Variants in SMG1 observed in about 807,000 individuals in gnomAD.
SMG1 encodes the protein serine/threonine-protein kinase SMG1.
SMG1 carries 22 observed loss-of-function variants against 419.9 expected under a neutral mutation model. The ratio of observed to expected loss-of-function variants is 0.05; its 90% CI spans 0.04 to 0.07. SMG1 has a LOEUF of 0.07. Ranked by LOEUF, SMG1 falls within the 10% of genes least tolerant of loss-of-function variation. The pLI is 1.00. For missense variants in SMG1, 3,185 were observed against 4,342.0 expected (o/e 0.73, Z 7.49); for synonymous variants, 1,538 against 1,553.5 (o/e 0.99, Z 0.23).
At chr16:18,827,612 A>G (rs2032816093) in intron 55 of SMG1, among the ~76,000 whole-genome samples, 1 of 144,352 alleles carries the variant, frequency 6.9e-6, no homozygotes, top group Admixed American at 7.0e-5. Flanking sequence ...GTATAAATAT[A>G]CCAAAATATA....
intron 4 of SMG1, 112 bp from the exon 5 acceptor site, chr16:18,891,033 G>A (rs559006522): frequency 1.5e-6 from 1 of 680,654 alleles, no homozygotes; most frequent in Non-Finnish European, 2.7e-6. Context: ...CAGTACTTTA[G>A]TTTCTTTATT....
In SMG1 at chr16:18,858,241, T is replaced by C. The variant is rs1177296737; in HGVS notation, c.4163A>G (p.His1388Arg). Residue 1388 changes from histidine (H) to arginine (R), a missense_variant, in exon 29 of 63, where the codon CAT becomes CGT. His to Arg is a conservative substitution (Grantham distance 29, BLOSUM62 0). Transcript: ENST00000446231. ...TGCCTGCATCCATGGCCTCACGTCA[T>C]GCTGTTTACATGAACGTAAAGCTTC... ...FSEALRSCKQ[H>R]DVRPWMQALR... is the part of the protein sequence containing the mutation. 6.8e-6 allele frequency: 11 copies of C among 1,610,396 alleles called. No homozygotes were observed. The highest frequency in any genetic ancestry group is 8.5e-6 in the Non-Finnish European group (10 of 1,178,296).
chr16:18,828,897 C>G (rs1052055867), intron 54 of SMG1, among the ~76,000 whole-genome samples: 5 of 151,844 alleles, frequency 3.3e-5, no homozygotes, highest in Non-Finnish European at 5.9e-5. Context: ...ACTAGGGAGG[C>G]TGAGGAGGGA....
At chr16:18,908,879 C>CAA (rs765269837) in intron 1 of SMG1, among the ~76,000 whole-genome samples, 4 of 103,400 alleles carry the variant, frequency 3.9e-5, no homozygotes, top group Non-Finnish European at 6.1e-5. Context: ...GACTCCGCCT[C>CAA]AAAAAAAAAA....
chr16:18,821,221 C>CTTTTTTTTTTGT, intron 55 of SMG1, among the ~76,000 whole-genome samples: 1 of 35,598 alleles, frequency 2.8e-5, no homozygotes, highest in African/African-American at 1.2e-4. Flanking sequence ...TAGTATGTTT[C>CTTTTTTTTTTGT]TTTTTTTTTT....
At chr16:18,837,228 A>C in intron 46 of SMG1, 25 bp downstream of exon 46, 7 of 1,567,502 alleles carry the variant, frequency 4.5e-6, no homozygotes, top group Non-Finnish European at 6.1e-6. Flanking sequence ...GCACATATTT[A>C]GAAGAATTCA....
At chr16:18,883,727 T>G (rs1409347992) in intron 9 of SMG1, among the ~76,000 whole-genome samples, 1 of 152,162 alleles carries the variant, frequency 6.6e-6, no homozygotes, top group Non-Finnish European at 1.5e-5. Flanking sequence ...GAGACCAGCC[T>G]GGCCAACATG....
At chr16:18,854,989 T>TG (rs773208029) in intron 29 of SMG1, 85 bp from the exon 30 acceptor site, 476 of 1,335,704 alleles carry the variant, frequency 3.6e-4, no homozygotes, top group Non-Finnish European at 4.5e-4. Flanking sequence ...ATTCCCCAAC[T>TG]ATCCCTCTTC....
chr16:18,851,633 G>T (rs2034601937), intron 33 of SMG1, among the ~76,000 whole-genome samples: 1 of 152,116 alleles, frequency 6.6e-6, no homozygotes, highest in African/African-American at 2.4e-5. Context: ...TGATCTCACT[G>T]CAACATTCAA....
At position 18,901,754 on chromosome 16, in the gene SMG1, C is replaced by T. The variant is rs369565958; in HGVS notation, c.93-4798G>A. On this transcript the variant is annotated intron_variant, in intron 1 of 62. Transcript: ENST00000446231. ...CTTTGGGAGGCCAAGGCAGGTGGATCGCTTGAGGTCAGGATTTTGAGACCA... is the reference window on the plus strand; with the variant it reads ...CTTTGGGAGGCCAAGGCAGGTGGATTGCTTGAGGTCAGGATTTTGAGACCA... Among the ~76,000 whole-genome samples, 39 of 152,154 alleles carry T rather than the reference C, an allele frequency of 2.6e-4. 1 individual carries two copies. The East Asian group carries it at 7.5e-3, about 29-fold the overall frequency.
chr16:18,827,599 T>G lies in SMG1; in HGVS notation c.9741+432A>C, dbSNP rs2032814574. On this transcript the variant is annotated intron_variant, in intron 55 of 62. Transcript: ENST00000446231. The stretch of plus-strand genomic sequence containing the variant: ...CCAAAATATATATTTTTAGATATAT[T>G]TGGTATAAATATACCAAAATATATA... Among the ~76,000 whole-genome samples, 2 of 144,428 alleles carry G rather than the reference T, an allele frequency of 1.4e-5. 1 individual carries two copies. Among genetic ancestry groups the G allele is most frequent in the Non-Finnish European group, 3.0e-5 (2 of 66,054 alleles). The allele number at this position is 144,428 out of a possible 152,430, so 94.8% of individuals were successfully genotyped here.
In SMG1 at chr16:18,875,954, C is replaced by G. The variant is rs17842613; in HGVS notation, c.1890+170G>C. 107 of 676,840 alleles carry G rather than the reference C, an allele frequency of 1.6e-4. No individual in the cohort carries two copies. In the Admixed American group the frequency reaches 2.7e-3, roughly 17 times the overall value. 41.9% of individuals were successfully genotyped at this position (676,840 alleles called of 1,614,324 possible). A position where few individuals can be genotyped will look rare whatever the true frequency, so the allele number is the denominator to read the frequency against. ...AGAAGAAGAAAAGTTAAATATAATG[C>G]CAAGAAAACATTCCTACCAATTTTA... On this transcript the variant is annotated intron_variant, in intron 13 of 62. Transcript: ENST00000446231.
At chr16:18,830,598 A>G (rs190762079) in intron 51 of SMG1, among the ~76,000 whole-genome samples, 1 of 152,004 alleles carries the variant, frequency 6.6e-6, no homozygotes, top group East Asian at 1.9e-4. Context: ...GACCAGCCTG[A>G]CCAACATGGA....
intron 12 of SMG1, among the ~76,000 whole-genome samples, chr16:18,876,618 G>A (rs1337636437): frequency 6.6e-6 from 1 of 150,432 alleles, no homozygotes; most frequent in Non-Finnish European, 1.5e-5. Flanking sequence ...CACAAATACA[G>A]AGTACTATAA....
At chr16:18,891,756 T>A (rs1227575014) in intron 4 of SMG1, among the ~76,000 whole-genome samples, 1 of 152,202 alleles carries the variant, frequency 6.6e-6, no homozygotes, top group Non-Finnish European at 1.5e-5. Context: ...TTAATTGGTG[T>A]AAAGAAAGTG....
At chr16:18,867,479 G>A (rs1288666797) in intron 22 of SMG1, among the ~76,000 whole-genome samples, 2 of 151,200 alleles carry the variant, frequency 1.3e-5, no homozygotes, top group Non-Finnish European at 2.9e-5. Flanking sequence ...AGCCGAGATC[G>A]CACAACTGCA....
chr16:18,821,217 GTTTC>G lies in SMG1; in HGVS notation c.9742-1567_9742-1564del, dbSNP rs1367069462. Among the ~76,000 whole-genome samples the G allele has an allele frequency of 2.6e-3, 82 of 31,724 alleles. 1 individual carries two copies. Among genetic ancestry groups the G allele is most frequent in the African/African-American group, 8.2e-3 (78 of 9,510 alleles). The allele number at this position is 31,724 out of a possible 152,430, so 20.8% of individuals were successfully genotyped here. A position where few individuals can be genotyped will look rare whatever the true frequency, so the allele number is the denominator to read the frequency against. ...ATTAAAAACCTGAGATATTTAGTAT[GTTTC>G]TTTTTTTTTTTTTTTTTTTCTTTTT... is the stretch of plus-strand genomic sequence containing the variant. On this transcript the variant is annotated intron_variant, in intron 55 of 62. Coordinates refer to ENST00000446231, the MANE Select transcript of SMG1 (RefSeq NM_015092.5).
Position 18,849,964 on chromosome 16 carries a change from T to C in SMG1, c.5446A>G (p.Thr1816Ala). The change falls in exon 35 of 63, where the codon ACT (threonine) becomes GCT (alanine). Residue 1816 changes from threonine to alanine, a missense_variant. Transcript: ENST00000446231. ...CAGGTCTCACCTCTCCATGGTGCAG[T>C]GGGTGTTGTCTCCAAGCCGTGCTCC... ...YLEHGLETTP[T>A]APWRGIIPQL... 1 of 1,613,976 alleles carries C rather than the reference T, an allele frequency of 6.2e-7. No homozygotes were observed. Among genetic ancestry groups the C allele is most frequent in the Non-Finnish European group, 8.5e-7 (1 of 1,179,860 alleles).
chr16:18,851,878 C>T (rs187337856), intron 33 of SMG1, among the ~76,000 whole-genome samples, 189 bp downstream of exon 33: 26 of 152,236 alleles, frequency 1.7e-4, no homozygotes, highest in Admixed American at 1.2e-3. Context: ...TAAGGAAATG[C>T]CTTATTTTCT....
Sources: gnomAD v4.1 joint callset for allele counts (sites outside exome capture counted in the v4.1 genomes callset) on GRCh38, gnomAD v4.1.1 for gene constraint, MANE v1.5 for transcripts, NCBI Gene and HGNC (gene_info 2026-07-23, HGNC 2026-07-21) for gene names.